MAGI2: variants seen among roughly 807,000 people sequenced by gnomAD.
MAGI2 encodes membrane-associated guanylate kinase, WW and PDZ domain-containing protein 2.
MAGI2 carries 35 observed loss-of-function variants against 133.3 expected under a neutral mutation model. The ratio of observed to expected loss-of-function variants is 0.26; its 90% CI spans 0.20 to 0.35. MAGI2 has a LOEUF of 0.35. Among genes scored for constraint, MAGI2 ranks in the 10% least tolerant of loss-of-function variants. The pLI is 1.00. For synonymous variants in MAGI2, 729 were observed against 710.6 expected (o/e 1.03, Z -0.41); for missense variants, 1,636 against 1,863.4 (o/e 0.88, Z 2.25).
chr7:79,313,116 A>G (rs1838422881), intron 1 of MAGI2, among the ~76,000 whole-genome samples: 1 of 150,850 alleles, frequency 6.6e-6, no homozygotes, highest in Admixed American at 6.6e-5. Flanking sequence ...TGTTTTAGGT[A>G]AAACTATATG....
At chr7:79,310,194 A>AAAAAG (rs1838166554) in intron 1 of MAGI2, among the ~76,000 whole-genome samples, 1 of 93,052 alleles carries the variant, frequency 1.1e-5, no homozygotes, top group Non-Finnish European at 1.9e-5. Flanking sequence ...AAAAAAAAAA[A>AAAAAG]AGAGAGAGAG....
At chr7:78,793,672 T>G (rs1282542872) in intron 2 of MAGI2, among the ~76,000 whole-genome samples, 3 of 152,186 alleles carry the variant, frequency 2.0e-5, no homozygotes, top group African/African-American at 7.2e-5. Context: ...CAATATCTAT[T>G]TGTTAGTAAA....
At chr7:78,089,019 T>C (rs193175344) in intron 20 of MAGI2, among the ~76,000 whole-genome samples, 1 of 152,236 alleles carries the variant, frequency 6.6e-6, no homozygotes, top group East Asian at 1.9e-4. Context: ...GAAGGAAATA[T>C]AAGCCAAGGA....
At chr7:78,530,445 A>G (rs1012234901) in intron 3 of MAGI2, among the ~76,000 whole-genome samples, 36 of 152,216 alleles carry the variant, frequency 2.4e-4, no homozygotes, top group Admixed American at 6.5e-4. Flanking sequence ...AAAAAGAATG[A>G]ATGTTTTAGG....
At chr7:78,136,409 C>A (rs566202717) in intron 16 of MAGI2, among the ~76,000 whole-genome samples, 12 of 152,296 alleles carry the variant, frequency 7.9e-5, no homozygotes, top group African/African-American at 2.9e-4. Context: ...CTTGAGCCAC[C>A]ATGCTCGGCC....
intron 1 of MAGI2, among the ~76,000 whole-genome samples, chr7:79,298,899 C>T (rs1414146439): frequency 6.6e-6 from 1 of 152,012 alleles, no homozygotes; most frequent in Non-Finnish European, 1.5e-5. Context: ...AGAAGAGAAG[C>T]CTCAGAAGAA....
intron 1 of MAGI2, among the ~76,000 whole-genome samples, chr7:79,009,334 T>C (rs1345482883): frequency 2.0e-5 from 3 of 152,090 alleles, no homozygotes; most frequent in Non-Finnish European, 2.9e-5. Context: ...TTTTTTTTCA[T>C]AGAAGAACTG....
At chr7:78,817,080 A>G (rs191048738) in intron 2 of MAGI2, among the ~76,000 whole-genome samples, 53 of 152,294 alleles carry the variant, frequency 3.5e-4, no homozygotes, top group Admixed American at 3.3e-3. Context: ...ATTGAATCCA[A>G]CCGTCATGGA....
intron 2 of MAGI2, among the ~76,000 whole-genome samples, chr7:78,986,461 G>T (rs964053565): frequency 6.6e-6 from 1 of 151,878 alleles, no homozygotes; most frequent in African/African-American, 2.4e-5. Flanking sequence ...TATCCTATTT[G>T]CTCTATCTCT....
chr7:79,189,565 C>T (rs111998999), intron 1 of MAGI2, among the ~76,000 whole-genome samples: 4,432 of 151,714 alleles, frequency 0.029, 101 homozygotes, highest in East Asian at 0.04. Flanking sequence ...CCCCCAGCTT[C>T]CCTATTAACA....
At chr7:79,200,133 G>A (rs1480761217) in intron 1 of MAGI2, among the ~76,000 whole-genome samples, 2 of 151,772 alleles carry the variant, frequency 1.3e-5, no homozygotes, top group Non-Finnish European at 2.9e-5. Flanking sequence ...TCCTGGTCTA[G>A]ATTCAGACAA....
intron 6 of MAGI2, among the ~76,000 whole-genome samples, chr7:78,460,392 T>A (rs886696585): frequency 2.0e-5 from 3 of 152,240 alleles, no homozygotes; most frequent in African/African-American, 7.2e-5. Context: ...TTGTTCTAAG[T>A]GTCAAACTGA....
chr7:79,358,532 G>A (rs1842173469), intron 1 of MAGI2, among the ~76,000 whole-genome samples: 1 of 152,150 alleles, frequency 6.6e-6, no homozygotes, highest in South Asian at 2.1e-4. Context: ...ATTAGAGACA[G>A]ATAGCCTGAA....
intron 1 of MAGI2, among the ~76,000 whole-genome samples, chr7:79,065,772 C>T (rs986017331): frequency 6.6e-6 from 1 of 152,156 alleles, no homozygotes; most frequent in Non-Finnish European, 1.5e-5. Flanking sequence ...CATGTGTTCT[C>T]ATTGCTCAAC....
intron 3 of MAGI2, among the ~76,000 whole-genome samples, chr7:78,530,793 C>A (rs1234828732): frequency 1.3e-5 from 2 of 151,946 alleles, no homozygotes; most frequent in Admixed American, 6.6e-5. Flanking sequence ...TCAGTCTTGC[C>A]AAGTGACTGG....
intron 2 of MAGI2, chr7:78,939,823 A>G (rs1625020): frequency 0.33 from 49,881 of 151,984 alleles, 8,297 homozygotes; most frequent in South Asian, 0.42. Context: ...GACAACGTAA[A>G]GCAAAGTGAT....
At chr7:78,613,654 G>C (rs575095185) in intron 3 of MAGI2, among the ~76,000 whole-genome samples, 7 of 152,266 alleles carry the variant, frequency 4.6e-5, no homozygotes, top group Non-Finnish European at 7.3e-5. Context: ...TTTAAATTGT[G>C]AGAGAATGGC....
intron 1 of MAGI2, among the ~76,000 whole-genome samples, chr7:79,208,055 T>C (rs1021614570): frequency 1.3e-5 from 2 of 151,942 alleles, no homozygotes; most frequent in Admixed American, 1.3e-4. Flanking sequence ...ATTAAAGATT[T>C]ACATGTAAGA....
rs552641736 is a variant in MAGI2 at position 78,979,733 on chromosome 7, A to G, written c.418+27357T>C. On this transcript the variant is annotated intron_variant, in intron 2 of 21. Coordinates refer to ENST00000354212, the MANE Select transcript of MAGI2 (RefSeq NM_012301.4). ...TGGGTCTTGTGTGTTTGGCCATCCC[A>G]TAATCCTAGAGCAGGAATCCCTCCT... Among the ~76,000 whole-genome samples the G allele has an allele frequency of 2.0e-5, 3 of 151,934 alleles. No homozygotes were observed. In the South Asian group the frequency reaches 6.2e-4, roughly 32 times the overall value.
Sources: allele counts gnomAD v4.1 joint callset (sites outside exome capture counted in the v4.1 genomes callset), GRCh38; gene constraint gnomAD v4.1.1; transcripts MANE v1.5; gene names NCBI Gene and HGNC (gene_info 2026-07-23, HGNC 2026-07-21).